Variants in CHLSN observed in about 807,000 individuals in gnomAD.
CHLSN encodes the protein protein cholesin.
the CHLSN span, among the ~76,000 whole-genome samples, chr7:1,003,794 C>A: frequency 1.2e-5 from 1 of 81,814 alleles, no homozygotes; most frequent in East Asian, 4.0e-4. Context: ...TGAGTGGAGT[C>A]CTGTGGGTTT....
the CHLSN span, chr7:997,708 G>T: frequency 1.2e-5 from 19 of 1,611,118 alleles, no homozygotes; most frequent in Non-Finnish European, 1.4e-5. Flanking sequence ...TCCAGCTCCC[G>T]CATCAGGGCT....
At chr7:1,098,038 T>C in the CHLSN span, among the ~76,000 whole-genome samples, 2 of 142,850 alleles carry the variant, frequency 1.4e-5, no homozygotes, top group East Asian at 2.1e-4. Context: ...TGAAGGATTT[T>C]ATGGGGTCAG....
the CHLSN span, among the ~76,000 whole-genome samples, chr7:981,269 C>G: frequency 6.8e-6 from 1 of 147,326 alleles, no homozygotes; most frequent in African/African-American, 2.5e-5. Context: ...GCACTCTAGC[C>G]TGGATGACGA....
the CHLSN span, among the ~76,000 whole-genome samples, chr7:1,123,277 G>A: frequency 0.07 from 10,649 of 152,324 alleles, 511 homozygotes; most frequent in South Asian, 0.12. This position sits in a 1 kb window ranked among gnomAD's most constrained non-coding sequence, Gnocchi z 4.4. Context: ...ATCACTTGGG[G>A]ACGTGGCGGC....
At chr7:1,008,892 A>G in the CHLSN span, among the ~76,000 whole-genome samples, 3 of 92,396 alleles carry the variant, frequency 3.2e-5, no homozygotes, top group Non-Finnish European at 6.4e-5. Flanking sequence ...TCGTATACAC[A>G]TGCACACACG....
the CHLSN span, among the ~76,000 whole-genome samples, chr7:1,070,494 A>ATGCACGCGCACAC: frequency 6.6e-6 from 1 of 150,916 alleles, no homozygotes; most frequent in Non-Finnish European, 1.5e-5. Context: ...CGGGCACACG[A>ATGCACGCGCACAC]ATGCACGCGC....
the CHLSN span, among the ~76,000 whole-genome samples, chr7:1,067,911 G>A: frequency 1.4e-4 from 21 of 151,906 alleles, no homozygotes; most frequent in African/African-American, 4.8e-4. Context: ...CACCCCAGAG[G>A]TGAGGGTTTG....
chr7:1,034,762 CCCACCCT>C, the CHLSN span, among the ~76,000 whole-genome samples: 5 of 130,616 alleles, frequency 3.8e-5, no homozygotes, highest in Non-Finnish European at 8.1e-5. Flanking sequence ...TCTCCCTCCT[CCCACCCT>C]CCACCCTCCT....
the CHLSN span, among the ~76,000 whole-genome samples, chr7:1,017,484 G>A: frequency 1.4e-4 from 22 of 152,248 alleles, no homozygotes; most frequent in African/African-American, 4.3e-4. Context: ...TCAGCCGGGT[G>A]ACGGGGCCAG....
chr7:1,070,879 C>G, the CHLSN span, among the ~76,000 whole-genome samples: 5 of 146,752 alleles, frequency 3.4e-5, no homozygotes, highest in Admixed American at 3.3e-4. Flanking sequence ...CGCACACGTG[C>G]ACATGCACAC....
chr7:1,085,363 C>T, the CHLSN span, among the ~76,000 whole-genome samples: 2 of 152,208 alleles, frequency 1.3e-5, no homozygotes, highest in East Asian at 3.8e-4. Context: ...CTCTGGTGTA[C>T]AGGCCGAGAC....
At chr7:1,086,028 G>C in the CHLSN span, among the ~76,000 whole-genome samples, 1 of 152,194 alleles carries the variant, frequency 6.6e-6, no homozygotes, top group Non-Finnish European at 1.5e-5. Flanking sequence ...CACAGGAGAA[G>C]GCTGCGCTCC....
chr7:985,736 G>A, the CHLSN span, among the ~76,000 whole-genome samples: 25 of 152,204 alleles, frequency 1.6e-4, no homozygotes, highest in South Asian at 6.2e-4. Flanking sequence ...TTTGGAACTC[G>A]TGTATTTCAT....
the CHLSN span, among the ~76,000 whole-genome samples, chr7:1,136,081 T>C: frequency 8.6e-6 from 1 of 116,126 alleles, no homozygotes; most frequent in Non-Finnish European, 1.6e-5. Flanking sequence ...TAAGTATATA[T>C]AAATTTATAT....
the CHLSN span, among the ~76,000 whole-genome samples, chr7:1,048,917 C>T: frequency 6.6e-6 from 1 of 152,240 alleles, no homozygotes; most frequent in Non-Finnish European, 1.5e-5. Context: ...TGTTTATACT[C>T]CAGTTTAGTA....
At chr7:999,984 C>G in the CHLSN span, among the ~76,000 whole-genome samples, 1 of 152,226 alleles carries the variant, frequency 6.6e-6, no homozygotes, top group Non-Finnish European at 1.5e-5. Flanking sequence ...ACACATCACG[C>G]GCACACACGT....
the CHLSN span, among the ~76,000 whole-genome samples, chr7:1,021,989 C>T: frequency 2.0e-4 from 30 of 152,272 alleles, no homozygotes; most frequent in African/African-American, 7.0e-4. Context: ...CCAAGTCCCT[C>T]GGCACACCCA....
At chr7:1,118,276 C>T in the CHLSN span, among the ~76,000 whole-genome samples, 3 of 152,178 alleles carry the variant, frequency 2.0e-5, no homozygotes, top group Non-Finnish European at 2.9e-5. Flanking sequence ...AAAACAAAGA[C>T]GGCATGAACA....
At chr7:1,038,800 T>A in the CHLSN span, among the ~76,000 whole-genome samples, 5 of 38,778 alleles carry the variant, frequency 1.3e-4, no homozygotes, top group African/African-American at 5.0e-4. Flanking sequence ...GGAGCCCCTC[T>A]GCCCGGCCAG....
Sources: gnomAD v4.1 joint callset for allele counts (sites outside exome capture counted in the v4.1 genomes callset) on GRCh38, gnomAD v4.1.1 for gene constraint, Gnocchi (gnomAD v3.1) non-coding constraint, MANE v1.5 for transcripts, NCBI Gene and HGNC (gene_info 2026-07-23, HGNC 2026-07-21) for gene names.